The following DAB1 variants were observed in gnomAD, a reference collection of about 807,000 sequenced individuals.
DAB1 encodes disabled homolog 1.
DAB1 carries 15 observed loss-of-function variants against 64.6 expected under a neutral mutation model. That is an observed-to-expected ratio of 0.23 (90% CI 0.16 to 0.36). The LOEUF (loss-of-function observed/expected upper bound fraction) is 0.36. Among genes scored for constraint, DAB1 ranks in the 10% least tolerant of loss-of-function variants. The probability of loss-of-function intolerance (pLI) is 1.00; values close to 1 mark genes in which losing one functional copy is unlikely to be tolerated. For synonymous variants in DAB1, 235 were observed against 251.9 expected, an observed-to-expected ratio of 0.93 and a Z score of 0.64; for missense variants, 596 against 706.7, an observed-to-expected ratio of 0.84 and a Z score of 1.78.
At chr1:57,912,693 C>T (rs1296574575) in intron 5 of DAB1, among the ~76,000 whole-genome samples, 1 of 152,078 alleles carries the variant, frequency 6.6e-6, no homozygotes. Context: ...TCTAGAAAGC[C>T]CCATCGTCTC....
chr1:58,248,713 G>C (rs887795756), intron 4 of DAB1, among the ~76,000 whole-genome samples: 1 of 152,162 alleles, frequency 6.6e-6, no homozygotes, highest in Non-Finnish European at 1.5e-5. Flanking sequence ...GGCTGCAGTG[G>C]TGGAGGGCTC....
intron 5 of DAB1, among the ~76,000 whole-genome samples, chr1:57,980,095 A>G (rs1187986): frequency 0.48 from 73,335 of 151,812 alleles, 18,379 homozygotes; most frequent in East Asian, 0.9. Flanking sequence ...AGCAACCATT[A>G]ATTGAATCCC....
intron 3 of DAB1, among the ~76,000 whole-genome samples, chr1:58,394,675 T>C (rs1644504253): frequency 6.6e-6 from 1 of 152,200 alleles, no homozygotes; most frequent in Non-Finnish European, 1.5e-5. Context: ...ATTCTAATTA[T>C]ATGAACTTCT....
intron 4 of DAB1, among the ~76,000 whole-genome samples, chr1:58,179,321 C>A (rs1400473716): frequency 6.6e-6 from 1 of 152,016 alleles, no homozygotes; most frequent in Non-Finnish European, 1.5e-5. Flanking sequence ...CTTTTTCTGA[C>A]TTTGGTATCA....
chr1:57,961,527 AAG>A (rs1645521340), intron 5 of DAB1, among the ~76,000 whole-genome samples: 1 of 152,204 alleles, frequency 6.6e-6, no homozygotes, highest in Admixed American at 6.5e-5. Flanking sequence ...GAGTATTCTC[AAG>A]AGTCACTTCC....
intron 1 of DAB1, among the ~76,000 whole-genome samples, chr1:57,324,701 C>T (rs1676012950): frequency 6.6e-6 from 1 of 152,128 alleles, no homozygotes; most frequent in South Asian, 2.1e-4. Flanking sequence ...CTAGCAGCCC[C>T]CACCCCACAT....
chr1:58,046,571 A>T (rs1361292959), intron 5 of DAB1, among the ~76,000 whole-genome samples: 3 of 152,134 alleles, frequency 2.0e-5, no homozygotes, highest in African/African-American at 7.2e-5. Context: ...TGCATTTTTT[A>T]AATTACTAAT....
chr1:57,176,972 T>TAAAAA (rs11333170), intron 2 of DAB1, among the ~76,000 whole-genome samples: 1 of 74,010 alleles, frequency 1.4e-5, no homozygotes, highest in Non-Finnish European at 3.0e-5. Flanking sequence ...GCAGCAGATA[T>TAAAAA]AAAAAAAAAA....
chr1:57,337,850 C>A (rs1197195443), intron 1 of DAB1, among the ~76,000 whole-genome samples: 1 of 151,310 alleles, frequency 6.6e-6, no homozygotes, highest in Non-Finnish European at 1.5e-5. Context: ...TTTCCTTTTC[C>A]CTTTCCCTTT....
At chr1:58,545,588 A>G (rs1369857852) in intron 1 of DAB1, among the ~76,000 whole-genome samples, 3 of 152,222 alleles carry the variant, frequency 2.0e-5, no homozygotes, top group Non-Finnish European at 4.4e-5. Context: ...GACTTCTAGG[A>G]TAACAAAATT....
intron 4 of DAB1, among the ~76,000 whole-genome samples, chr1:57,093,547 A>G (rs1653883565): frequency 6.6e-6 from 1 of 152,192 alleles, no homozygotes; most frequent in South Asian, 2.1e-4. Flanking sequence ...CACTCTGCAT[A>G]ATAATAATTG....
chr1:57,746,462 A>T (rs1255792626), intron 6 of DAB1, among the ~76,000 whole-genome samples: 2 of 152,138 alleles, frequency 1.3e-5, no homozygotes. Flanking sequence ...CAGATTATTA[A>T]GGTTGAGAGT....
chr1:57,653,634 A>T (rs1646282162), intron 6 of DAB1, among the ~76,000 whole-genome samples: 1 of 151,638 alleles, frequency 6.6e-6, no homozygotes, highest in African/African-American at 2.4e-5. Flanking sequence ...TTTTTTTGAG[A>T]TGGAGTCTCG....
chr1:57,755,171 G>A (rs145429515), intron 6 of DAB1, among the ~76,000 whole-genome samples: 6 of 151,942 alleles, frequency 3.9e-5, no homozygotes, highest in Admixed American at 6.6e-5. Context: ...TTTCTTGGCC[G>A]TTTCCTGTTG....
chr1:57,585,304 G>A (rs1299701538), intron 7 of DAB1, among the ~76,000 whole-genome samples: 3 of 126,586 alleles, frequency 2.4e-5, no homozygotes, highest in Non-Finnish European at 5.0e-5. Context: ...AGAACAGTAA[G>A]AGAAACCTTT....
At chr1:58,348,085 C>T (rs1644018438) in intron 3 of DAB1, among the ~76,000 whole-genome samples, 1 of 152,064 alleles carries the variant, frequency 6.6e-6, no homozygotes, top group South Asian at 2.1e-4. Flanking sequence ...GCTAGGATGA[C>T]CTCACCTTCC....
chr1:57,072,315 G>T lies in DAB1; in HGVS notation c.406C>A (p.His136Asn). Residue 136 changes from histidine to asparagine, a missense_variant, in exon 5 of 15, where the codon CAC becomes AAC. Physicochemically the swap from His to Asn is moderately conservative, Grantham distance 68 (BLOSUM62 1). This residue lies in a region of DAB1 where 176 missense variants were observed against 266.7 expected (regional missense o/e 0.66). Transcript: ENST00000371236. ...GCTGTTTTTATGGCCACAAATCTGT[G>T]ATTCCCTTCCTTCCCACAAACATAT... Reference protein sequence around the residue: ...FGYVCGKEGNHRFVAIKTAQA... With the variant: ...FGYVCGKEGNNRFVAIKTAQA... 1 of 1,613,844 alleles carries T rather than the reference G, an allele frequency of 6.2e-7. No homozygotes were observed. The highest frequency in any genetic ancestry group is 8.5e-7 in the Non-Finnish European group (1 of 1,179,828).
At chr1:57,603,193 G>A (rs1829985) in intron 7 of DAB1, among the ~76,000 whole-genome samples, 103,810 of 151,918 alleles carry the variant, frequency 0.68, 38,569 homozygotes, top group Non-Finnish European at 0.82. Flanking sequence ...GGCTGGTCGC[G>A]AACTCCCGAC....
chr1:57,498,073 C>T (rs1644250240), intron 7 of DAB1, among the ~76,000 whole-genome samples: 1 of 152,116 alleles, frequency 6.6e-6, no homozygotes. Context: ...TTAGAATGTG[C>T]AGAATTTGGG....
Sources: allele counts gnomAD v4.1 joint callset (sites outside exome capture counted in the v4.1 genomes callset), GRCh38; gene constraint gnomAD v4.1.1; regional missense constraint gnomAD v4.1.1; transcripts MANE v1.5; gene names NCBI Gene and HGNC (gene_info 2026-07-23, HGNC 2026-07-21).